The following ASPM variants were observed in gnomAD, a reference collection of about 807,000 sequenced individuals.
The protein encoded by ASPM is abnormal spindle-like microcephaly-associated protein.
In ASPM, 256 loss-of-function variants were observed where a neutral mutation model predicts 366.4. The observed-to-expected ratio is 0.70, with a 90% confidence interval of 0.63 to 0.77. The LOEUF is 0.77. ASPM is among the 30% of genes least tolerant of loss of function. The pLI is 0.00. For missense variants in ASPM, 4,146 were observed against 4,090.4 expected (o/e 1.01, Z -0.37); for synonymous variants, 1,414 against 1,342.9 (o/e 1.05, Z -1.16).
chr1:197,100,502 G>C lies in ASPM; in HGVS notation c.8749C>G (p.Gln2917Glu), dbSNP rs1259327787. Residue 2917 changes from glutamine (Q) to glutamate (E), a missense_variant, in exon 18 of 28, where the codon CAA (glutamine) becomes GAA (glutamate). Around this residue, in one of 3 missense-constraint regions of ASPM, gnomAD observed 3,624 missense variants for 3,591.7 expected, o/e 1.01. Coordinates refer to ENST00000367409, the MANE Select transcript of ASPM (RefSeq NM_018136.5). ...LQIRSSVIII[Q>E]ARSKGFIQKR... ...TGTATAAATCCTTTACTTCTAGCTT[G>C]AATAATGATAACACTGCTTCTGATC... 1 of 1,608,868 alleles carries C rather than the reference G, an allele frequency of 6.2e-7. No homozygotes were observed. The highest frequency in any genetic ancestry group is 8.5e-7 in the Non-Finnish European group (1 of 1,176,858).
In ASPM at chr1:197,146,659, G is replaced by C. The variant is rs1658799467; in HGVS notation, c.-222C>G. ...AAAAGAGGAGCCAAACAAGTATGGCGTTTTGACTCTGTTTAAACTTGCCGC... is the reference window on the plus strand; with the variant it reads ...AAAAGAGGAGCCAAACAAGTATGGCCTTTTGACTCTGTTTAAACTTGCCGC... On this transcript the variant is annotated 5_prime_UTR_variant, in exon 1 of 28. Coordinates refer to ENST00000367409, the MANE Select transcript of ASPM (RefSeq NM_018136.5). 2 of 600,768 alleles carry C rather than the reference G, an allele frequency of 3.3e-6. No individual in the cohort carries two copies. Among genetic ancestry groups the C allele is most frequent in the Non-Finnish European group, 5.8e-6 (2 of 342,346 alleles). 37.2% of individuals were successfully genotyped at this position (600,768 alleles called of 1,614,324 possible).
At chr1:197,127,324 T>A (rs530923590) in intron 10 of ASPM, among the ~76,000 whole-genome samples, 112 of 152,288 alleles carry the variant, frequency 7.4e-4, no homozygotes, top group African/African-American at 2.6e-3. Flanking sequence ...CTGACAAAAA[T>A]GTACCAGGGT....
At chr1:197,126,921 A>G (rs1658107727) in intron 10 of ASPM, among the ~76,000 whole-genome samples, 1 of 152,174 alleles carries the variant, frequency 6.6e-6, no homozygotes, top group South Asian at 2.1e-4. Context: ...TTTGATAAAG[A>G]CACGTCTGAA....
At chr1:197,125,949 G>A (rs1658078558) in intron 10 of ASPM, among the ~76,000 whole-genome samples, 1 of 152,018 alleles carries the variant, frequency 6.6e-6, no homozygotes, top group Non-Finnish European at 1.5e-5. Flanking sequence ...CATCACCCAT[G>A]GCATTAATAG....
At chr1:197,116,339 C>T (rs963348863) in intron 17 of ASPM, among the ~76,000 whole-genome samples, 1 of 152,130 alleles carries the variant, frequency 6.6e-6, no homozygotes, top group Non-Finnish European at 1.5e-5. Flanking sequence ...AGACCACTCA[C>T]ACTTCCTATC....
intron 10 of ASPM, among the ~76,000 whole-genome samples, chr1:197,127,134 A>G (rs1658115002): frequency 1.3e-5 from 2 of 152,208 alleles, no homozygotes; most frequent in African/African-American, 2.4e-5. Flanking sequence ...ATTGGTCTCC[A>G]TGAAACATGG....
At chr1:197,129,350 A>G (rs376086584) in intron 8 of ASPM, 33 bp from the exon 9 acceptor site, 4 of 1,605,292 alleles carry the variant, frequency 2.5e-6, no homozygotes, top group Non-Finnish European at 3.4e-6. Context: ...ACAGCAAGTT[A>G]ATCTATGAAA....
intron 17 of ASPM, among the ~76,000 whole-genome samples, chr1:197,106,735 C>T (rs1571604210): frequency 6.6e-6 from 1 of 152,050 alleles, no homozygotes; most frequent in Non-Finnish European, 1.5e-5. Flanking sequence ...ACATTACATA[C>T]AATTTTCTCA....
intron 17 of ASPM, among the ~76,000 whole-genome samples, chr1:197,109,637 T>C (rs1015162022): frequency 4.0e-5 from 6 of 151,822 alleles, no homozygotes; most frequent in Non-Finnish European, 8.8e-5. Flanking sequence ...AAATAAAAAA[T>C]AGAAAGAATA....
intron 25 of ASPM, among the ~76,000 whole-genome samples, chr1:197,088,649 C>T (rs1055785814): frequency 6.6e-6 from 1 of 151,882 alleles, no homozygotes; most frequent in African/African-American, 2.4e-5. Context: ...TAATCTTTTC[C>T]CCCTAATTCT....
intron 10 of ASPM, 95 bp from the exon 11 acceptor site, chr1:197,125,286 C>G: frequency 7.0e-7 from 1 of 1,420,772 alleles, no homozygotes; most frequent in Non-Finnish European, 9.9e-7. Flanking sequence ...TAAATCCCAA[C>G]AGTTACAGGG....
intron 27 of ASPM, among the ~76,000 whole-genome samples, chr1:197,086,210 A>G (rs1656583866): frequency 1.3e-5 from 2 of 151,958 alleles, no homozygotes; most frequent in South Asian, 4.2e-4. Flanking sequence ...CCTAGTATAG[A>G]GAATTGCTAA....
rs1314831303 is a variant in ASPM, at chr1:197,124,011, T to G, written c.3390+99A>C. 6.6e-6 allele frequency: 7 copies of G among 1,055,882 alleles called. No homozygotes were observed. The African/African-American group carries it at 1.1e-4, about 17-fold the overall frequency. The allele number at this position is 1,055,882 out of a possible 1,614,324, so 65.4% of individuals were successfully genotyped here. A position where few individuals can be genotyped will look rare whatever the true frequency, so the allele number is the denominator to read the frequency against. ...GGAAAGTTTGCTTACACAGATGAAC[T>G]AAGAAATTCAAGAAAAGACTTCAGG... On this transcript the variant is annotated intron_variant, in intron 13 of 27. Coordinates refer to ENST00000367409, the MANE Select transcript of ASPM (RefSeq NM_018136.5).
At chr1:197,146,102 C>A in intron 1 of ASPM, 39 bp downstream of exon 1, 1 of 1,613,332 alleles carries the variant, frequency 6.2e-7, no homozygotes, top group Non-Finnish European at 8.5e-7. Context: ...AGCGGAGAAG[C>A]AGAACACCGG....
chr1:197,117,818 C>T lies in ASPM; in HGVS notation c.4036G>A (p.Val1346Ile), dbSNP rs1300947705. 1 of 1,612,702 alleles carries T rather than the reference C, an allele frequency of 6.2e-7. No individual in the cohort carries two copies. Among genetic ancestry groups the T allele is most frequent in the South Asian group, 1.1e-5 (1 of 90,798 alleles). Residue 1346 changes from valine to isoleucine, a missense_variant, in exon 17 of 28, where the codon GTT (valine) becomes ATT (isoleucine). By Grantham distance (29) the Val-to-Ile change is conservative. This residue lies in a region of ASPM where 3,624 missense variants were observed against 3,591.7 expected (regional missense o/e 1.01). Transcript: ENST00000367409. ...ATAAGTGATGCTGCTTTATTTTGAA[C>T]TTTTTCCAGCTTTTCCTTTTTTAAC... ...LMLKKEKLEK[V>I]QNKAASLIQG...
At position 197,088,271 on chromosome 1, in the gene ASPM, T is replaced by G; in HGVS notation, c.10146A>C (p.Thr3382=). 6.2e-7 allele frequency: 1 copy of G among 1,613,234 alleles called. No homozygotes were observed. The highest frequency in any genetic ancestry group is 8.5e-7 in the Non-Finnish European group (1 of 1,179,604). The change falls in exon 26 of 28, where the codon ACA becomes ACC. Residue 3382 remains threonine (T), a synonymous_variant. Coordinates refer to ENST00000367409, the MANE Select transcript of ASPM (RefSeq NM_018136.5). ...TCCLLAILLK[T]TNRASDVRSR... is the part of the protein sequence containing the mutation. Reference sequence around the variant, plus strand: ...TAATACTTACAGAGGCTCTATTTGTTGTCTTCAGTAAAATAGCCAACAAAC... The same window carrying G: ...TAATACTTACAGAGGCTCTATTTGTGGTCTTCAGTAAAATAGCCAACAAAC...
chr1:197,122,149 T>C lies in ASPM; in HGVS notation c.3741+10A>G, dbSNP rs979963220. On this transcript the variant is annotated intron_variant, in intron 15 of 27. Coordinates refer to ENST00000367409, the MANE Select transcript of ASPM (RefSeq NM_018136.5). ...TTGAATTAATAATTAGAAACTCTTC[T>C]TTTACTTACCTTTTCATCTGGAATT... 2.5e-6 allele frequency: 4 copies of C among 1,605,100 alleles called. No homozygotes were observed. The highest frequency in any genetic ancestry group is 1.7e-4 in the Middle Eastern group (1 of 6,026).
In ASPM at chr1:197,122,688, G is replaced by C. The variant is rs147421969; in HGVS notation, c.3391-93C>G. 4.6e-5 allele frequency: 54 copies of C among 1,183,380 alleles called. No individual in the cohort carries two copies. In the African/African-American group the frequency reaches 7.1e-4, roughly 16 times the overall value. The allele number at this position is 1,183,380 out of a possible 1,614,324, so 73.3% of individuals were successfully genotyped here. The stretch of plus-strand genomic sequence containing the variant: ...AATACCTGTGAATAATAAAGGCAGA[G>C]ACTGGAGTGACAAATCTACAAGGCA... On this transcript the variant is annotated intron_variant, in intron 13 of 27. Transcript: ENST00000367409.
chr1:197,141,767 C>G (rs114883540), intron 3 of ASPM, among the ~76,000 whole-genome samples: 2,045 of 152,132 alleles, frequency 0.013, 47 homozygotes, highest in African/African-American at 0.046. Flanking sequence ...TACACAGTGC[C>G]TAGAAAAATG....
Sources: gnomAD v4.1 joint callset for allele counts (sites outside exome capture counted in the v4.1 genomes callset) on GRCh38, gnomAD v4.1.1 for gene constraint, gnomAD v4.1.1 regional missense constraint, MANE v1.5 for transcripts, NCBI Gene and HGNC (gene_info 2026-07-23, HGNC 2026-07-21) for gene names.